RIMS2: variants seen among roughly 807,000 people sequenced by gnomAD.
The protein encoded by RIMS2 is regulating synaptic membrane exocytosis protein 2.
In RIMS2, 59 loss-of-function variants were observed where a neutral mutation model predicts 174.4. That is an observed-to-expected ratio of 0.34 (90% CI 0.27 to 0.42). RIMS2 has a LOEUF of 0.42. Ranked by LOEUF, RIMS2 falls within the 10% of genes least tolerant of loss-of-function variation. The pLI, the probability that RIMS2 is intolerant of heterozygous loss-of-function variation, is 1.00. For synonymous variants in RIMS2, 606 were observed against 572.5 expected, an observed-to-expected ratio of 1.06 and a Z score of -0.84; for missense variants, 1,620 against 1,666.3, an observed-to-expected ratio of 0.97 and a Z score of 0.48.
intron 1 of RIMS2, among the ~76,000 whole-genome samples, chr8:103,663,775 A>G (rs2096633094): frequency 1.3e-5 from 2 of 152,224 alleles, no homozygotes; most frequent in African/African-American, 4.8e-5. Context: ...AGAATTGGAA[A>G]AAAACTACTT....
At chr8:104,251,686 T>A in exon 24 of RIMS2, 8 of 1,608,370 alleles carry the variant, frequency 5.0e-6, no homozygotes, top group Non-Finnish European at 6.8e-6. Flanking sequence ...ACTAGAGCTA[T>A]CCAATATGGT....
chr8:103,879,356 C>A (rs9650011), intron 3 of RIMS2, among the ~76,000 whole-genome samples: 24,839 of 151,014 alleles, frequency 0.16, 2,168 homozygotes, highest in Middle Eastern at 0.26. Context: ...AGAAGGATTG[C>A]TATTAACTGC....
At chr8:104,123,241 T>C (rs1260601218) in intron 19 of RIMS2, among the ~76,000 whole-genome samples, 1 of 152,020 alleles carries the variant, frequency 6.6e-6, no homozygotes, top group African/African-American at 2.4e-5. Context: ...TTTATTTTAT[T>C]TAATGTATAT....
chr8:103,882,914 G>A (rs972308937), intron 3 of RIMS2, among the ~76,000 whole-genome samples: 5 of 151,466 alleles, frequency 3.3e-5, no homozygotes, highest in African/African-American at 9.7e-5. Context: ...CTTAAGATAG[G>A]AATGAAATAT....
chr8:103,633,677 T>A (rs2096002730), intron 1 of RIMS2, among the ~76,000 whole-genome samples: 2 of 152,162 alleles, frequency 1.3e-5, no homozygotes, highest in Non-Finnish European at 2.9e-5. Flanking sequence ...TTTTTTGATT[T>A]TCAGGCTATT....
intron 1 of RIMS2, among the ~76,000 whole-genome samples, chr8:103,672,206 GT>G (rs1203761071): frequency 2.7e-5 from 4 of 147,256 alleles, no homozygotes; most frequent in Admixed American, 1.3e-4. Flanking sequence ...GTCTTCTATT[GT>G]TTTTTTTTTC....
chr8:103,858,214 A>G (rs1378864679), intron 3 of RIMS2, among the ~76,000 whole-genome samples: 8 of 152,352 alleles, frequency 5.3e-5, no homozygotes, highest in Non-Finnish European at 1.2e-4. Context: ...TTGCTAAAAC[A>G]GGCATGAGAC....
At chr8:103,658,885 G>A (rs185940001) in intron 1 of RIMS2, among the ~76,000 whole-genome samples, 1 of 152,268 alleles carries the variant, frequency 6.6e-6, no homozygotes, top group Admixed American at 6.5e-5. Context: ...TCTTTGCTGT[G>A]TCTACTCATG....
chr8:104,039,040 C>A (rs918120650), intron 19 of RIMS2, among the ~76,000 whole-genome samples: 7 of 150,936 alleles, frequency 4.6e-5, no homozygotes, highest in African/African-American at 1.7e-4. Flanking sequence ...TTTGTACTTC[C>A]TGAAAAAAAA....
rs2094553902 is a variant in RIMS2 at position 103,598,279 on chromosome 8, A to G, written c.176+97217A>G. On this transcript the variant is annotated intron_variant, in intron 1 of 23. Transcript: ENST00000504942. ...CAACTTAATTTAGTAAAACTACTAT[A>G]AAAACTGGGATTCCAAAGCAATTCC... 3.3e-5 allele frequency among the ~76,000 whole-genome samples: 5 copies of G among 152,188 alleles called. No homozygotes were observed. The South Asian group carries it at 1.0e-3, about 31-fold the overall frequency.
At chr8:103,907,370 C>A (rs538536477) in intron 4 of RIMS2, among the ~76,000 whole-genome samples, 1 of 152,186 alleles carries the variant, frequency 6.6e-6, no homozygotes, top group African/African-American at 2.4e-5. Context: ...TTCCTGACAT[C>A]TTTTCTAATC....
intron 19 of RIMS2, among the ~76,000 whole-genome samples, chr8:104,108,882 T>A (rs1349015090): frequency 6.6e-6 from 1 of 152,138 alleles, no homozygotes; most frequent in African/African-American, 2.4e-5. Flanking sequence ...ATATAGAGAC[T>A]TAGAGTTCTG....
rs113856251 is a variant in RIMS2 at position 104,224,407 on chromosome 8, T to C, written c.3335-20509T>C. On this transcript the variant is annotated intron_variant, in intron 19 of 23. Coordinates refer to ENST00000504942, the Ensembl canonical transcript of RIMS2. ...GTTTTAAACTTTTCACCAGTTGATT[T>C]GGAGTTCGTAAAGTTTTGAATAACA... is the stretch of plus-strand genomic sequence containing the variant. 2.2e-3 allele frequency among the ~76,000 whole-genome samples: 334 copies of C among 152,352 alleles called. 3 individuals are homozygous for C. The highest frequency in any genetic ancestry group is 0.01 in the Middle Eastern group (3 of 294).
chr8:104,018,108 T>C (rs1410043731), intron 19 of RIMS2, among the ~76,000 whole-genome samples: 1 of 152,180 alleles, frequency 6.6e-6, no homozygotes, highest in Non-Finnish European at 1.5e-5. Flanking sequence ...TTTATCATTC[T>C]GAATAATTTA....
intron 1 of RIMS2, among the ~76,000 whole-genome samples, chr8:103,539,942 C>G (rs10089301): frequency 0.18 from 27,876 of 152,218 alleles, 2,812 homozygotes; most frequent in African/African-American, 0.26. Flanking sequence ...CAATGCTCCA[C>G]GCACCAGCTC....
chr8:103,790,789 A>G (rs1237324006), intron 3 of RIMS2, among the ~76,000 whole-genome samples: 2 of 152,198 alleles, frequency 1.3e-5, no homozygotes, highest in Non-Finnish European at 2.9e-5. Context: ...ACTAAGATTA[A>G]TACATATTTC....
chr8:103,919,306 G>A (rs1252214636), intron 9 of RIMS2, among the ~76,000 whole-genome samples: 6 of 152,156 alleles, frequency 3.9e-5, no homozygotes, highest in African/African-American at 1.4e-4. Flanking sequence ...AAAGCCTAAG[G>A]TGCATTTAAG....
At chr8:103,538,619 C>T (rs1453241277) in intron 1 of RIMS2, among the ~76,000 whole-genome samples, 6 of 152,092 alleles carry the variant, frequency 3.9e-5, no homozygotes, top group African/African-American at 1.4e-4. Context: ...TGGGTTCACG[C>T]CATTCTCCTG....
At chr8:103,501,161 T>C in intron 1 of RIMS2, 99 bp downstream of exon 1, 1 of 947,718 alleles carries the variant, frequency 1.1e-6, no homozygotes, top group East Asian at 3.3e-5. Flanking sequence ...CCGCCCTCCC[T>C]CCCGCTGGCG....
Sources: gnomAD v4.1 joint callset for allele counts (sites outside exome capture counted in the v4.1 genomes callset) on GRCh38, gnomAD v4.1.1 for gene constraint, MANE v1.5 for transcripts, NCBI Gene and HGNC (gene_info 2026-07-23, HGNC 2026-07-21) for gene names.